TNNI3K: variants seen among roughly 807,000 people sequenced by gnomAD.
TNNI3K encodes TNNI3 interacting kinase, also known as serine/threonine-protein kinase TNNI3K.
Under a neutral mutation model 114.5 loss-of-function variants are expected in TNNI3K, and 140 were observed. The observed-to-expected ratio is 1.22, with a 90% CI of 1.07 to 1.41. TNNI3K has a LOEUF of 1.41. TNNI3K is among the 40% of genes most tolerant of loss of function. The pLI is 0.00. For missense variants in TNNI3K, 1,125 were observed against 1,007.6 expected, an observed-to-expected ratio of 1.12 and a Z score of -1.58; for synonymous variants, 347 against 347.5, an observed-to-expected ratio of 1.00 and a Z score of 0.02.
chr1:74,465,048 G>GA (rs1298856665), intron 21 of TNNI3K: 2 of 1,023,972 alleles, frequency 2.0e-6, no homozygotes, highest in Admixed American at 5.3e-5. Context: ...GTGAACCTCA[G>GA]AAAAAGTATG....
At chr1:74,336,920 G>A (rs557943914) in intron 7 of TNNI3K, among the ~76,000 whole-genome samples, 38 of 152,130 alleles carry the variant, frequency 2.5e-4, no homozygotes, top group East Asian at 7.8e-4. Flanking sequence ...CTGAGGAATC[G>A]CCACACTGAC....
intron 17 of TNNI3K, chr1:74,401,751 C>A (rs2100591857): frequency 2.4e-6 from 1 of 413,498 alleles, no homozygotes; most frequent in Non-Finnish European, 4.8e-6. Flanking sequence ...TTCGTCTTTG[C>A]CATGTAAATT....
chr1:74,287,874 T>A (rs766078161), intron 5 of TNNI3K, among the ~76,000 whole-genome samples: 2 of 151,926 alleles, frequency 1.3e-5, no homozygotes, highest in African/African-American at 2.4e-5. Flanking sequence ...GGAATTCAAC[T>A]CAGCAACTCA....
chr1:74,301,003 A>G (rs1658297081), intron 5 of TNNI3K, among the ~76,000 whole-genome samples: 2 of 152,210 alleles, frequency 1.3e-5, no homozygotes, highest in Admixed American at 6.5e-5. Context: ...ATATGTCAAT[A>G]AAGTGTGAAT....
chr1:74,365,561 C>T (rs1444910502), intron 11 of TNNI3K, among the ~76,000 whole-genome samples: 1 of 152,058 alleles, frequency 6.6e-6, no homozygotes, highest in African/African-American at 2.4e-5. Context: ...CCTCTCCAAC[C>T]AAATCTGATA....
In TNNI3K at chr1:74,475,771, T is replaced by C. The variant is rs1668175330; in HGVS notation, c.2121+12221T>C. The C allele has an allele frequency of 6.3e-6, 4 of 634,362 alleles. 1 individual carries two copies. The South Asian group carries it at 7.7e-5, about 12-fold the overall frequency. 39.3% of individuals were successfully genotyped at this position (634,362 alleles called of 1,614,324 possible). On this transcript the variant is annotated intron_variant, in intron 21 of 24. Coordinates refer to ENST00000326637, the MANE Select transcript of TNNI3K (RefSeq NM_015978.3). ...TGCTTTGCCTTGGTGGAGTTTCCAG[T>C]TAAATACAACTAAACCTAGGCAAGT...
rs144948210 is a variant in TNNI3K at position 74,339,462 on chromosome 1, A to G, written c.682+3313A>G. Among the ~76,000 whole-genome samples, 20 of 152,224 alleles carry G rather than the reference A, an allele frequency of 1.3e-4. 2 individuals carry two copies. In the East Asian group the frequency reaches 3.7e-3, roughly 28 times the overall value. ...ATTCTAAAATGTAGCTAAGCCTCCA[A>G]ATGATTAATTTTAGATCTGGACCCT... On this transcript the variant is annotated intron_variant, in intron 7 of 24. Transcript: ENST00000326637.
intron 24 of TNNI3K, chr1:74,541,719 T>G (rs564763261): frequency 2.0e-5 from 3 of 151,902 alleles, no homozygotes; most frequent in Admixed American, 6.6e-5. Flanking sequence ...AAAATTTGGG[T>G]TTTCCTATGC....
chr1:74,301,336 G>A (rs1419973154), intron 5 of TNNI3K, among the ~76,000 whole-genome samples: 2 of 152,128 alleles, frequency 1.3e-5, no homozygotes, highest in African/African-American at 4.8e-5. Context: ...GGAGGCAGAG[G>A]TTGCAGTGAG....
intron 16 of TNNI3K, 26 bp downstream of exon 16, chr1:74,369,611 C>A: frequency 6.4e-7 from 1 of 1,554,194 alleles, no homozygotes; most frequent in Admixed American, 2.0e-5. Flanking sequence ...TCTGATTTAT[C>A]CTTGGACATT....
chr1:74,364,179 T>A (rs530697659), intron 11 of TNNI3K, among the ~76,000 whole-genome samples: 29 of 150,674 alleles, frequency 1.9e-4, no homozygotes, highest in Admixed American at 4.0e-4. Flanking sequence ...TAAAAAAAAA[T>A]TTTTTTTAGA....
At chr1:74,535,438 C>CTT (rs1646648959) in intron 23 of TNNI3K, among the ~76,000 whole-genome samples, 2 of 152,108 alleles carry the variant, frequency 1.3e-5, no homozygotes, top group African/African-American at 4.8e-5. Flanking sequence ...TCACTGCAAT[C>CTT]CAGCCTGGGT....
chr1:74,347,450 G>A (rs1049009796), intron 9 of TNNI3K, among the ~76,000 whole-genome samples: 512 of 152,004 alleles, frequency 3.4e-3, no homozygotes, highest in Admixed American at 6.8e-3. Flanking sequence ...GAATAGTGCC[G>A]CAATAAACAT....
chr1:74,386,970 G>A (rs1271718428), intron 17 of TNNI3K, among the ~76,000 whole-genome samples: 1 of 152,088 alleles, frequency 6.6e-6, no homozygotes, highest in Non-Finnish European at 1.5e-5. Context: ...AGGGAGATTT[G>A]GGAATTTCAG....
intron 21 of TNNI3K, among the ~76,000 whole-genome samples, chr1:74,485,206 T>C (rs1378434598): frequency 1.3e-5 from 2 of 152,166 alleles, no homozygotes; most frequent in East Asian, 3.9e-4. Context: ...ACTTGGATGC[T>C]TTAAGAAGGA....
intron 21 of TNNI3K, chr1:74,483,422 C>T (rs1411696481): frequency 8.5e-6 from 6 of 704,856 alleles, no homozygotes; most frequent in Non-Finnish European, 1.6e-5. Context: ...TTGGCATTCA[C>T]TGTCCATTAT....
chr1:74,341,764 C>G (rs986431040), intron 7 of TNNI3K: 1 of 152,080 alleles, frequency 6.6e-6, no homozygotes, highest in African/African-American at 2.4e-5. Flanking sequence ...CACTGCCACC[C>G]TTGCTAGGCA....
intron 21 of TNNI3K, chr1:74,471,054 T>C (rs1667903139): frequency 7.5e-6 from 3 of 400,574 alleles, no homozygotes; most frequent in African/African-American, 6.2e-5. Context: ...CAGTTGAGAA[T>C]TGAGAATGTG....
intron 7 of TNNI3K, among the ~76,000 whole-genome samples, chr1:74,339,176 T>A (rs1019280480): frequency 6.6e-6 from 1 of 152,162 alleles, no homozygotes; most frequent in Non-Finnish European, 1.5e-5. Context: ...ACTACAACCA[T>A]ATTCCCCTTA....
Sources: allele counts gnomAD v4.1 joint callset (sites outside exome capture counted in the v4.1 genomes callset), GRCh38; gene constraint gnomAD v4.1.1; transcripts MANE v1.5; gene names NCBI Gene and HGNC (gene_info 2026-07-23, HGNC 2026-07-21).